Variants in NEDD9 observed in about 807,000 individuals in gnomAD.
NEDD9 encodes enhancer of filamentation 1.
NEDD9 carries 26 observed loss-of-function variants against 76.6 expected under a neutral mutation model. The observed-to-expected ratio is 0.34, with a 90% CI of 0.25 to 0.47. The LOEUF is 0.47. Among genes scored for constraint, NEDD9 ranks in the 20% least tolerant of loss-of-function variants. NEDD9 has a pLI of 1.00. For missense variants in NEDD9, 937 were observed against 1,058.5 expected (o/e 0.89, Z 1.59); for synonymous variants, 392 against 414.2 (o/e 0.95, Z 0.65).
chr6:11,325,685 G>C (rs1761911073), intron 2 of NEDD9, among the ~76,000 whole-genome samples: 1 of 152,182 alleles, frequency 6.6e-6, no homozygotes, highest in Non-Finnish European at 1.5e-5. Context: ...TTTTATTTTA[G>C]TACCTTTCAC....
upstream of NEDD9, among the ~76,000 whole-genome samples, chr6:11,233,981 G>C (rs540931888): frequency 1.4e-4 from 22 of 152,118 alleles, no homozygotes; most frequent in African/African-American, 5.1e-4. Flanking sequence ...TATGATCTAA[G>C]CAAAAGGAAT....
At chr6:11,257,775 CTGTG>C (rs3067253) in intron 3 of NEDD9, among the ~76,000 whole-genome samples, 72 of 143,054 alleles carry the variant, frequency 5.0e-4, no homozygotes, top group Non-Finnish European at 6.8e-4. Context: ...AATGTAGATT[CTGTG>C]TGTGTGTGTG....
At chr6:11,216,023 C>T (rs1450761111) in intron 1 of NEDD9, among the ~76,000 whole-genome samples, 1 of 152,164 alleles carries the variant, frequency 6.6e-6, no homozygotes, top group East Asian at 1.9e-4. Context: ...CCCCAGTAAC[C>T]TTCTTACCAC....
chr6:11,311,159 G>A (rs969263734), intron 2 of NEDD9, among the ~76,000 whole-genome samples: 1 of 152,136 alleles, frequency 6.6e-6, no homozygotes, highest in Non-Finnish European at 1.5e-5. Context: ...GGCAGGGCAG[G>A]AGGATTGAAT....
intron 2 of NEDD9, among the ~76,000 whole-genome samples, chr6:11,308,306 G>A (rs1761251607): frequency 6.6e-6 from 1 of 150,754 alleles, no homozygotes; most frequent in Admixed American, 6.6e-5. Context: ...AAGGTCCAAC[G>A]TGGTTTCTCA....
intron 3 of NEDD9, among the ~76,000 whole-genome samples, chr6:11,248,623 T>C (rs1310957331): frequency 6.6e-6 from 1 of 152,224 alleles, no homozygotes; most frequent in Non-Finnish European, 1.5e-5. Flanking sequence ...GGGTCCTGGC[T>C]TCTGTGGCCC....
chr6:11,245,674 T>C (rs756543180), intron 3 of NEDD9, among the ~76,000 whole-genome samples: 1 of 152,228 alleles, frequency 6.6e-6, no homozygotes, highest in Non-Finnish European at 1.5e-5. Flanking sequence ...TAAGTTTCTA[T>C]TTTAAAATCA....
At chr6:11,365,962 G>A (rs566384962) in intron 1 of NEDD9, among the ~76,000 whole-genome samples, 2 of 151,822 alleles carry the variant, frequency 1.3e-5, no homozygotes, top group African/African-American at 4.8e-5. Context: ...CTGCACTCCA[G>A]CCTGAGTGAC....
chr6:11,200,885 G>C, intron 2 of NEDD9: 6 of 1,606,404 alleles, frequency 3.7e-6, no homozygotes, highest in Non-Finnish European at 5.1e-6. Flanking sequence ...CCAAGTCTAG[G>C]AGATGAAGAT....
intron 2 of NEDD9, among the ~76,000 whole-genome samples, chr6:11,333,200 T>A (rs1296246742): frequency 6.6e-6 from 1 of 152,164 alleles, no homozygotes; most frequent in Non-Finnish European, 1.5e-5. Context: ...GTGAAATATA[T>A]TGGGTTCCAT....
chr6:11,185,644 C>T lies in NEDD9; in HGVS notation c.2023G>A (p.Glu675Lys). ...QLSQFQLLEQ[E>K]ITKPVENDIS... ...TCATTCTCCACGGGCTTTGTAATCT[C>T]TTGTTCCAACAGCTGGAACTGGCTC... The change falls in exon 7 of 7, where the codon GAG (glutamate) becomes AAG (lysine). Residue 675 changes from glutamate (E) to lysine (K), a missense_variant. Physicochemically the swap from Glu to Lys is moderately conservative, Grantham distance 56 (BLOSUM62 1). Transcript: ENST00000379446. 32 of 1,614,206 alleles carry T rather than the reference C, an allele frequency of 2.0e-5. No individual in the cohort carries two copies. The highest frequency in any genetic ancestry group is 2.7e-5 in the Non-Finnish European group (32 of 1,180,044).
At chr6:11,376,067 G>T (rs570177859) in intron 1 of NEDD9, among the ~76,000 whole-genome samples, 1 of 152,148 alleles carries the variant, frequency 6.6e-6, no homozygotes, top group East Asian at 1.9e-4. Flanking sequence ...CTCGTGATCC[G>T]CCCGTCTCGG....
At chr6:11,362,490 A>C (rs970709829) in intron 1 of NEDD9, among the ~76,000 whole-genome samples, 3 of 152,218 alleles carry the variant, frequency 2.0e-5, no homozygotes, top group African/African-American at 7.2e-5. Context: ...CAGGGCTACC[A>C]TGAGCACTTT....
intron 1 of NEDD9, among the ~76,000 whole-genome samples, chr6:11,229,372 C>A (rs144347881): frequency 6.6e-6 from 1 of 152,190 alleles, no homozygotes; most frequent in Non-Finnish European, 1.5e-5. Context: ...GCTGAGCCCC[C>A]GCCCGGGCTG....
intron 3 of NEDD9, among the ~76,000 whole-genome samples, chr6:11,247,905 G>T (rs1205376977): frequency 6.6e-6 from 1 of 152,158 alleles, no homozygotes; most frequent in Non-Finnish European, 1.5e-5. Flanking sequence ...TAGAAAGAAA[G>T]GAGAAAGAAG....
intron 1 of NEDD9, among the ~76,000 whole-genome samples, chr6:11,346,484 C>CG (rs576907050): frequency 1.4e-3 from 218 of 151,850 alleles, no homozygotes; most frequent in African/African-American, 4.5e-3. Context: ...GAGGCCCCCC[C>CG]CCCCGAGGTG....
At chr6:11,372,191 G>A (rs565464317) in intron 1 of NEDD9, among the ~76,000 whole-genome samples, 2 of 138,122 alleles carry the variant, frequency 1.4e-5, no homozygotes, top group South Asian at 4.4e-4. Flanking sequence ...TCTATTGTCT[G>A]TCTTTATGAG....
chr6:11,333,389 T>C (rs139589705), intron 2 of NEDD9, among the ~76,000 whole-genome samples: 2 of 152,332 alleles, frequency 1.3e-5, no homozygotes, highest in African/African-American at 4.8e-5. Context: ...TCTTTCCCAA[T>C]ATCTGCCCTA....
intron 3 of NEDD9, among the ~76,000 whole-genome samples, chr6:11,300,975 G>C (rs1326055049): frequency 6.6e-6 from 1 of 152,122 alleles, no homozygotes. Flanking sequence ...GCAAAATAAT[G>C]AGCTAACATC....
Sources: gnomAD v4.1 joint callset for allele counts (sites outside exome capture counted in the v4.1 genomes callset) on GRCh38, gnomAD v4.1.1 for gene constraint, MANE v1.5 for transcripts, NCBI Gene and HGNC (gene_info 2026-07-23, HGNC 2026-07-21) for gene names.